The following DMXL2 variants were observed in gnomAD, a reference collection of about 807,000 sequenced individuals.
DMXL2 encodes Dmx like 2.
Under a neutral mutation model 331.1 loss-of-function variants are expected in DMXL2, and 103 were observed. The observed-to-expected ratio is 0.31, with a 90% CI of 0.27 to 0.37. The LOEUF is 0.37. Among genes scored for constraint, DMXL2 ranks in the 10% least tolerant of loss-of-function variants. The pLI is 1.00. For missense variants in DMXL2, 3,171 were observed against 3,642.9 expected (o/e 0.87, Z 3.33); for synonymous variants, 1,281 against 1,252.1 (o/e 1.02, Z -0.49).
rs759513673 is a variant in DMXL2, at chr15:51,545,615, T to C, written c.898A>G (p.Arg300Gly). 1 of 1,613,570 alleles carries C rather than the reference T, an allele frequency of 6.2e-7. No individual in the cohort carries two copies. The highest frequency in any genetic ancestry group is 8.5e-7 in the Non-Finnish European group (1 of 1,179,718). ...SIASSLSHAG[R>G]HKDRIQHALE... Reference sequence around the variant, plus strand: ...GCATGCTGTATTCTGTCTTTGTGTCTTCCAGCATGAGAAAGGCTGCTGGCA... The same window carrying C: ...GCATGCTGTATTCTGTCTTTGTGTCCTCCAGCATGAGAAAGGCTGCTGGCA... The change falls in exon 8 of 44, where the codon AGA (arginine) becomes GGA (glycine). Residue 300 changes from arginine (R) to glycine (G), a missense_variant. Coordinates refer to ENST00000560891, the MANE Select transcript of DMXL2 (RefSeq NM_001378457.1).
chr15:51,531,993 C>T (rs1159992326), intron 13 of DMXL2, among the ~76,000 whole-genome samples: 1 of 152,058 alleles, frequency 6.6e-6, no homozygotes, highest in East Asian at 1.9e-4. Flanking sequence ...AATAGACCTA[C>T]CATACAATCC....
intron 1 of DMXL2, among the ~76,000 whole-genome samples, chr15:51,578,729 A>C (rs2051212547): frequency 6.6e-6 from 1 of 152,236 alleles, no homozygotes; most frequent in South Asian, 2.1e-4. Flanking sequence ...TATAGTAGCA[A>C]AAACTAAATA....
intron 26 of DMXL2, 76 bp from the exon 27 acceptor site, chr15:51,476,795 T>C: frequency 8.1e-7 from 1 of 1,233,846 alleles, no homozygotes; most frequent in Non-Finnish European, 1.1e-6. Flanking sequence ...TCATCTATTT[T>C]AGACACCTAT....
chr15:51,616,209 CCTAA>C (rs1250029210), intron 1 of DMXL2, among the ~76,000 whole-genome samples: 1 of 152,042 alleles, frequency 6.6e-6, no homozygotes, highest in Non-Finnish European at 1.5e-5. Context: ...TTTAGAGGGG[CCTAA>C]CTCTGTTTTC....
At chr15:51,604,399 T>TAA (rs1388208400) in intron 1 of DMXL2, among the ~76,000 whole-genome samples, 2 of 139,638 alleles carry the variant, frequency 1.4e-5, no homozygotes, top group African/African-American at 2.6e-5. Context: ...CCAAGAGATT[T>TAA]ACAAAAAAAA....
intron 16 of DMXL2, 118 bp from the exon 17 acceptor site, chr15:51,503,151 G>T (rs951566449): frequency 1.4e-6 from 1 of 735,490 alleles, no homozygotes; most frequent in Non-Finnish European, 2.2e-6. Flanking sequence ...TTTTGGAGGT[G>T]AGGATATAGA....
chr15:51,563,871 T>A (rs1378574090), intron 5 of DMXL2, among the ~76,000 whole-genome samples: 1 of 152,122 alleles, frequency 6.6e-6, no homozygotes, highest in African/African-American at 2.4e-5. Context: ...AATGAGTATT[T>A]CCTATGTATC....
intron 1 of DMXL2, among the ~76,000 whole-genome samples, chr15:51,582,470 T>C (rs546113870): frequency 2.0e-5 from 3 of 152,172 alleles, no homozygotes; most frequent in Non-Finnish European, 4.4e-5. Context: ...TGGGCTTTGA[T>C]GGTTACTTGG....
intron 14 of DMXL2, among the ~76,000 whole-genome samples, chr15:51,515,733 T>C (rs1031497741): frequency 4.6e-5 from 7 of 152,112 alleles, no homozygotes; most frequent in Admixed American, 2.6e-4. Context: ...TGAGCAAATA[T>C]GAAGTAAAAA....
intron 15 of DMXL2, among the ~76,000 whole-genome samples, chr15:51,512,361 C>A (rs2046806838): frequency 6.6e-6 from 1 of 151,966 alleles, no homozygotes. Context: ...AAACAAAAAG[C>A]TCAACATTTT....
At chr15:51,481,810 C>T (rs764395577) in intron 23 of DMXL2, among the ~76,000 whole-genome samples, 187 bp from the exon 24 acceptor site, 5 of 152,130 alleles carry the variant, frequency 3.3e-5, no homozygotes, top group Non-Finnish European at 7.3e-5. Context: ...TCCCAATATG[C>T]TACGGAGTGA....
At chr15:51,485,034 C>CA (rs35332731) in intron 23 of DMXL2, among the ~76,000 whole-genome samples, 51,754 of 99,634 alleles carry the variant, frequency 0.52, 11,424 homozygotes, top group Non-Finnish European at 0.55. Flanking sequence ...TCAGGCAAAC[C>CA]AAAAAAAAAA....
At chr15:51,502,229 T>C (rs2043686854) in intron 17 of DMXL2, among the ~76,000 whole-genome samples, 1 of 107,990 alleles carries the variant, frequency 9.3e-6, no homozygotes, top group Admixed American at 1.0e-4. Context: ...TGAGACTCCG[T>C]CTAAAAAAAA....
intron 37 of DMXL2, among the ~76,000 whole-genome samples, chr15:51,457,083 GA>G (rs559475958): frequency 1.1e-3 from 160 of 152,266 alleles, no homozygotes; most frequent in African/African-American, 3.7e-3. Flanking sequence ...GAGATGGAAG[GA>G]TCAATTGAGC....
intron 1 of DMXL2, among the ~76,000 whole-genome samples, chr15:51,618,202 G>A (rs2054407003): frequency 6.6e-6 from 1 of 152,064 alleles, no homozygotes; most frequent in African/African-American, 2.4e-5. Context: ...TGGTAATATT[G>A]CACAGCTGGC....
At chr15:51,575,985 A>C in intron 2 of DMXL2, 71 bp downstream of exon 2, 1 of 1,438,274 alleles carries the variant, frequency 7.0e-7, no homozygotes, top group Admixed American at 2.1e-5. Flanking sequence ...TTTGCATAAA[A>C]GGATAAGAAG....
chr15:51,618,779 T>C (rs778440759), intron 1 of DMXL2, among the ~76,000 whole-genome samples: 1 of 152,178 alleles, frequency 6.6e-6, no homozygotes, highest in East Asian at 1.9e-4. Flanking sequence ...CAAACCTTAC[T>C]CTTCCATAAA....
chr15:51,519,792 G>C (rs1009656011), intron 13 of DMXL2, among the ~76,000 whole-genome samples: 2 of 151,382 alleles, frequency 1.3e-5, no homozygotes, highest in Admixed American at 6.6e-5. Flanking sequence ...ACAGGTGCAC[G>C]CCACCACACC....
At chr15:51,525,375 C>T (rs765065612) in intron 13 of DMXL2, among the ~76,000 whole-genome samples, 39 of 152,006 alleles carry the variant, frequency 2.6e-4, no homozygotes, top group Non-Finnish European at 4.3e-4. Flanking sequence ...GCAATGTGCT[C>T]GCTTCGACAG....
Sources: gnomAD v4.1 joint callset for allele counts (sites outside exome capture counted in the v4.1 genomes callset) on GRCh38, gnomAD v4.1.1 for gene constraint, MANE v1.5 for transcripts, NCBI Gene and HGNC (gene_info 2026-07-23, HGNC 2026-07-21) for gene names.